Variants in SLIT2 observed in about 807,000 individuals in gnomAD.
The protein encoded by SLIT2 is slit homolog 2 protein.
Under a neutral mutation model 185.7 loss-of-function variants are expected in SLIT2, and 41 were observed. The observed-to-expected ratio is 0.22, with a 90% CI of 0.17 to 0.29. SLIT2 has a LOEUF of 0.29. SLIT2 is among the 10% of genes least tolerant of loss of function. The pLI is 1.00. For synonymous variants in SLIT2, 693 were observed against 680.2 expected (o/e 1.02, Z -0.29); for missense variants, 1,571 against 1,909.0 (o/e 0.82, Z 3.30).
chr4:20,523,722 A>C, intron 12 of SLIT2, 38 bp from the exon 13 acceptor site: 2 of 1,594,834 alleles, frequency 1.3e-6, no homozygotes, highest in African/African-American at 1.3e-5. Context: ...AGTTAATAAG[A>C]TGCTACACTT....
intron 22 of SLIT2, 32 bp downstream of exon 22, chr4:20,546,131 A>G (rs769893543): frequency 1.6e-6 from 2 of 1,250,760 alleles, no homozygotes; most frequent in Admixed American, 1.9e-5. Context: ...TCTTTGACTT[A>G]CTCTATTTCC....
chr4:20,587,029 ATCT>A (rs1478234391), intron 29 of SLIT2, among the ~76,000 whole-genome samples: 1 of 150,490 alleles, frequency 6.6e-6, no homozygotes, highest in Non-Finnish European at 1.5e-5. Flanking sequence ...AGAAAATCAA[ATCT>A]TTTTTTTTTT....
chr4:20,590,000 G>A (rs1393409165), intron 30 of SLIT2, among the ~76,000 whole-genome samples: 2 of 143,284 alleles, frequency 1.4e-5, no homozygotes, highest in East Asian at 4.4e-4. Flanking sequence ...CCTCCTCCCA[G>A]GTTCACGCCA....
intron 5 of SLIT2, among the ~76,000 whole-genome samples, chr4:20,477,275 C>T (rs1176208757): frequency 3.3e-5 from 5 of 151,346 alleles, no homozygotes; most frequent in Admixed American, 6.6e-5. Context: ...GATTTTGGCG[C>T]GCTGCAACCT....
intron 9 of SLIT2, among the ~76,000 whole-genome samples, chr4:20,505,492 A>C (rs1719121518): frequency 6.6e-6 from 1 of 152,124 alleles, no homozygotes; most frequent in African/African-American, 2.4e-5. Flanking sequence ...ATGTCTACGA[A>C]TTGAACGCTA....
intron 4 of SLIT2, among the ~76,000 whole-genome samples, chr4:20,467,044 T>C (rs917171428): frequency 2.0e-5 from 3 of 152,168 alleles, no homozygotes; most frequent in Non-Finnish European, 4.4e-5. Flanking sequence ...AGATGAGCGA[T>C]TTTTACAAAC....
chr4:20,587,820 T>C (rs1727186321), intron 29 of SLIT2, among the ~76,000 whole-genome samples: 1 of 152,224 alleles, frequency 6.6e-6, no homozygotes, highest in Non-Finnish European at 1.5e-5. Context: ...TTGGGTTGGA[T>C]TGTATCAGAG....
rs188208066 is a variant in SLIT2, at chr4:20,338,939, A to G, written c.395+70058A>G. Among the ~76,000 whole-genome samples, 14 of 151,998 alleles carry G rather than the reference A, an allele frequency of 9.2e-5. No individual in the cohort carries two copies. In the East Asian group the frequency reaches 2.7e-3, roughly 30 times the overall value. ...AGATCCCATCTCAACAAAAATAAATAAAAATTAGGTAGGCATGGTGGCGTG... is the reference window on the plus strand; with the variant it reads ...AGATCCCATCTCAACAAAAATAAATGAAAATTAGGTAGGCATGGTGGCGTG... On this transcript the variant is annotated intron_variant, in intron 4 of 36. Coordinates refer to ENST00000504154, the MANE Select transcript of SLIT2 (RefSeq NM_004787.4).
intron 4 of SLIT2, among the ~76,000 whole-genome samples, chr4:20,293,453 A>G (rs1259759503): frequency 6.6e-6 from 1 of 152,228 alleles, no homozygotes; most frequent in Non-Finnish European, 1.5e-5. Context: ...GGGTGAAACT[A>G]GACTAAAATT....
rs764483417 is a variant in SLIT2 at position 20,488,999 on chromosome 4, A to T, written c.775+17A>T. The T allele has an allele frequency of 6.3e-7, 1 of 1,597,028 alleles. No homozygotes were observed. The highest frequency in any genetic ancestry group is 8.6e-7 in the Non-Finnish European group (1 of 1,167,234). On this transcript the variant is annotated intron_variant, in intron 8 of 36. Transcript: ENST00000504154. ...TCTGCAGTGGTAAGGGAGAAGGAAG[A>T]GTGATGTTATTGTGTTTATTGTATC...
At chr4:20,346,090 T>G (rs1329589973) in intron 4 of SLIT2, among the ~76,000 whole-genome samples, 1 of 151,872 alleles carries the variant, frequency 6.6e-6, no homozygotes, top group Admixed American at 6.6e-5. Flanking sequence ...ACTTGCTGAT[T>G]CAAGCAATTC....
chr4:20,519,464 G>T lies in SLIT2; in HGVS notation c.1130+11G>T. The T allele has an allele frequency of 6.8e-7, 1 of 1,480,490 alleles. No individual in the cohort carries two copies. 91.7% of individuals were successfully genotyped at this position (1,480,490 alleles called of 1,614,324 possible). A position where few individuals can be genotyped will look rare whatever the true frequency, so the allele number is the denominator to read the frequency against. ...TTCCTTACAGCTCCTGTAAGTATTT[G>T]ATTGTTTTGGATCTCTCGAGCCTAA... On this transcript the variant is annotated intron_variant, in intron 12 of 36. Coordinates refer to ENST00000504154, the MANE Select transcript of SLIT2 (RefSeq NM_004787.4).
chr4:20,325,310 G>C (rs767896026), intron 4 of SLIT2, among the ~76,000 whole-genome samples: 2 of 149,536 alleles, frequency 1.3e-5, no homozygotes, highest in African/African-American at 4.9e-5. Context: ...CTCTGGGACA[G>C]CTTTAGTTTG....
intron 9 of SLIT2, among the ~76,000 whole-genome samples, chr4:20,498,986 C>T (rs1224001663): frequency 6.6e-6 from 1 of 152,190 alleles, no homozygotes; most frequent in East Asian, 1.9e-4. Flanking sequence ...TGAGAAATCT[C>T]TGTACTGTCT....
At chr4:20,602,854 G>GT (rs556020168) in intron 33 of SLIT2, among the ~76,000 whole-genome samples, 2,255 of 147,528 alleles carry the variant, frequency 0.015, 51 homozygotes, top group African/African-American at 0.047. Context: ...TTTTGTTCTT[G>GT]TTTTTTTTTT....
intron 36 of SLIT2, 82 bp downstream of exon 36, chr4:20,617,732 TGA>T (rs760714866): frequency 6.2e-5 from 29 of 467,602 alleles, no homozygotes; most frequent in East Asian, 1.2e-4. Context: ...GGAGAAAAAG[TGA>T]AAAAAAAAAA....
chr4:20,361,517 T>A (rs1722744130), intron 4 of SLIT2, among the ~76,000 whole-genome samples: 1 of 152,136 alleles, frequency 6.6e-6, no homozygotes, highest in Non-Finnish European at 1.5e-5. Context: ...AAAATGTTAG[T>A]GATGAAGTAG....
rs745623872 is a variant in SLIT2, at chr4:20,529,090, C to T, written c.1604C>T (p.Thr535Ile). ...ATCCCGGAGCACATTCCCCAGTACA[C>T]TGCAGAGTTGTAAGTTCATCCCCCA... Reference protein sequence around the residue: ...NKIPEHIPQYTAELRLNNNEF... With the variant: ...NKIPEHIPQYIAELRLNNNEF... The change falls in exon 16 of 37, where the codon ACT becomes ATT. Residue 535 changes from threonine (T) to isoleucine (I), a missense_variant. This residue lies in a region of SLIT2 where 1,202 missense variants were observed against 1,416.4 expected (regional missense o/e 0.85). Transcript: ENST00000504154. 1.1e-5 allele frequency: 17 copies of T among 1,602,044 alleles called. No individual in the cohort carries two copies. Among genetic ancestry groups the T allele is most frequent in the Non-Finnish European group, 1.3e-5 (15 of 1,172,150 alleles).
intron 8 of SLIT2, 76 bp from the exon 9 acceptor site, chr4:20,491,685 C>A: frequency 1.6e-6 from 2 of 1,259,620 alleles, no homozygotes; most frequent in Non-Finnish European, 2.2e-6. Context: ...TGCTTTGTTA[C>A]TTGAGCTAAG....
Sources: gnomAD v4.1 joint callset for allele counts (sites outside exome capture counted in the v4.1 genomes callset) on GRCh38, gnomAD v4.1.1 for gene constraint, gnomAD v4.1.1 regional missense constraint, MANE v1.5 for transcripts, NCBI Gene and HGNC (gene_info 2026-07-23, HGNC 2026-07-21) for gene names.